The following KDR variants were observed in gnomAD, a reference collection of about 807,000 sequenced individuals.
The protein encoded by KDR is kinase insert domain receptor.
Under a neutral mutation model 160.9 loss-of-function variants are expected in KDR, and 43 were observed. The observed-to-expected ratio is 0.27, with a 90% CI of 0.21 to 0.34. The LOEUF is 0.34. KDR is among the 10% of genes least tolerant of loss of function. The probability of loss-of-function intolerance (pLI) is 1.00; values close to 1 mark genes in which losing one functional copy is unlikely to be tolerated. For missense variants in KDR, 1,469 were observed against 1,666.4 expected, an observed-to-expected ratio of 0.88 and a Z score of 2.06; for synonymous variants, 617 against 600.1, an observed-to-expected ratio of 1.03 and a Z score of -0.41.
intron 29 of KDR, 70 bp from the exon 30 acceptor site, chr4:55,080,233 C>T (rs1719698224): frequency 1.5e-6 from 2 of 1,366,920 alleles, no homozygotes; most frequent in African/African-American, 1.4e-5. Context: ...ACCCTCACCC[C>T]ATTCCCAACT....
chr4:55,108,258 T>C (rs999629072), intron 9 of KDR, among the ~76,000 whole-genome samples: 3 of 150,216 alleles, frequency 2.0e-5, no homozygotes, highest in African/African-American at 7.4e-5. Context: ...AAGCTAATAA[T>C]AATAATAAAC....
chr4:55,116,604 T>A (rs1001079054), intron 3 of KDR, among the ~76,000 whole-genome samples: 3 of 151,920 alleles, frequency 2.0e-5, no homozygotes, highest in Admixed American at 2.0e-4. Flanking sequence ...ATTCTCAGAG[T>A]GCTTCATAAT....
At position 55,114,156 on chromosome 4, in the gene KDR, A is replaced by T. The variant is rs765273680; in HGVS notation, c.768T>A (p.Ile256=). ...CTARTELNVG[I]DFNWEYPSSK... ...AAGAAGGGTATTCCCAGTTGAAGTC[A>T]ATCCCCACATTTAGTTCAGTTCTTG... The change falls in exon 6 of 30, where the codon ATT becomes ATA. Residue 256 remains isoleucine, a synonymous_variant. Coordinates refer to ENST00000263923, the MANE Select transcript of KDR (RefSeq NM_002253.4). The T allele has an allele frequency of 2.5e-6, 4 of 1,614,064 alleles. No homozygotes were observed. The highest frequency in any genetic ancestry group is 2.5e-6 in the Non-Finnish European group (3 of 1,179,940).
chr4:55,084,713 A>G (rs2110007309), intron 27 of KDR, among the ~76,000 whole-genome samples: 1 of 152,222 alleles, frequency 6.6e-6, no homozygotes, highest in African/African-American at 2.4e-5. Flanking sequence ...GTTTTACTCT[A>G]CTCCATACAG....
intron 10 of KDR, 104 bp downstream of exon 10, chr4:55,107,633 C>T (rs1720477014): frequency 3.4e-6 from 5 of 1,481,190 alleles, no homozygotes; most frequent in Non-Finnish European, 4.7e-6. Context: ...TGAGAGAAAA[C>T]TTTTTTTGGT....
chr4:55,108,047 G>C (rs891793421), intron 9 of KDR, among the ~76,000 whole-genome samples, 154 bp from the exon 10 acceptor site: 16 of 152,156 alleles, frequency 1.1e-4, no homozygotes, highest in African/African-American at 3.6e-4. Context: ...CAAGAGACCT[G>C]AGTTCTAGTG....
intron 3 of KDR, 94 bp downstream of exon 3, chr4:55,118,510 G>T: frequency 2.1e-6 from 2 of 966,670 alleles, no homozygotes; most frequent in Non-Finnish European, 1.7e-6. Flanking sequence ...AGCCTTTAGA[G>T]CAAGCCCTTT....
At chr4:55,105,716 T>C in intron 12 of KDR, 116 bp downstream of exon 12, 1 of 780,992 alleles carries the variant, frequency 1.3e-6, no homozygotes, top group South Asian at 1.4e-5. Flanking sequence ...TCAATCCAAG[T>C]CCTCTTTCCT....
intron 18 of KDR, among the ~76,000 whole-genome samples, chr4:55,097,082 T>C (rs1172177346): frequency 6.6e-6 from 1 of 152,184 alleles, no homozygotes; most frequent in Non-Finnish European, 1.5e-5. Context: ...AGCTTTACTG[T>C]CTAACCTCCT....
chr4:55,118,741 A>G lies in KDR; in HGVS notation c.221T>C (p.Val74Ala), dbSNP rs201868960. Residue 74 changes from valine (V) to alanine (A), a missense_variant, in exon 3 of 30, where the codon GTG becomes GCG. Around this residue, in one of 7 missense-constraint regions of KDR, gnomAD observed 792 missense variants for 840.9 expected, o/e 0.94. Coordinates refer to ENST00000263923, the MANE Select transcript of KDR (RefSeq NM_002253.4). ...PNNQSGSEQRVEVTECSDGLF... is the reference protein window; with the variant it reads ...PNNQSGSEQRAEVTECSDGLF... ...GCCATCGCTGCACTCAGTCACCTCC[A>G]CCCTTTGCTCACTGCCACTCTGATT... 1 of 1,613,820 alleles carries G rather than the reference A, an allele frequency of 6.2e-7. No homozygotes were observed. Among genetic ancestry groups the G allele is most frequent in the Admixed American group, 1.7e-5 (1 of 59,966 alleles).
chr4:55,090,596 T>C (rs976772640), intron 22 of KDR, among the ~76,000 whole-genome samples: 7 of 152,176 alleles, frequency 4.6e-5, no homozygotes, highest in Non-Finnish European at 8.8e-5. Flanking sequence ...TTCAAAGTGC[T>C]GGGTTATTAT....
chr4:55,080,010 C>T lies in KDR; in HGVS notation c.4002G>A (p.Val1334=), dbSNP rs1719689385. The T allele has an allele frequency of 1.2e-6, 2 of 1,614,062 alleles. No individual in the cohort carries two copies. Among genetic ancestry groups the T allele is most frequent in the African/African-American group, 2.7e-5 (2 of 74,920 alleles). The part of the protein sequence containing the change: ...AELLKLIEIG[V]QTGSTAQILQ... ...GAATCTGGGCTGTGCTACCGGTTTGCACTCCAATCTCTATCAGCTTTAAAA... is the reference window on the plus strand; with the variant it reads ...GAATCTGGGCTGTGCTACCGGTTTGTACTCCAATCTCTATCAGCTTTAAAA... Residue 1334 remains valine, a synonymous_variant, in exon 30 of 30, where the codon GTG becomes GTA. Coordinates refer to ENST00000263923, the MANE Select transcript of KDR (RefSeq NM_002253.4).
At chr4:55,108,034 A>C in intron 9 of KDR, 141 bp from the exon 10 acceptor site, 1 of 863,940 alleles carries the variant, frequency 1.2e-6, no homozygotes, top group Non-Finnish European at 1.9e-6. Context: ...CTAGATGTGG[A>C]AACAAGAGAC....
At chr4:55,125,151 A>T (rs762060826) in intron 1 of KDR, 76 bp downstream of exon 1, 35 of 1,319,214 alleles carry the variant, frequency 2.7e-5, no homozygotes, top group African/African-American at 1.4e-5. Flanking sequence ...TACGATTCCG[A>T]GTTAGATCTG....
At chr4:55,118,563 G>A in intron 3 of KDR, 41 bp downstream of exon 3, 1 of 1,482,434 alleles carries the variant, frequency 6.7e-7, no homozygotes, top group Non-Finnish European at 9.4e-7. Flanking sequence ...TTTTATAACT[G>A]GTAAAGAGAC....
intron 15 of KDR, 62 bp from the exon 16 acceptor site, chr4:55,098,865 T>C: frequency 7.7e-7 from 1 of 1,304,132 alleles, no homozygotes. Flanking sequence ...GTTTGTAAGA[T>C]GACAAATTTT....
chr4:55,098,882 A>G, intron 15 of KDR, 79 bp from the exon 16 acceptor site: 1 of 1,078,266 alleles, frequency 9.3e-7, no homozygotes, highest in Non-Finnish European at 1.4e-6. Flanking sequence ...TTTTAGCACT[A>G]AAGCAAAATC....
intron 15 of KDR, 51 bp from the exon 16 acceptor site, chr4:55,098,854 T>C: frequency 1.1e-5 from 15 of 1,411,446 alleles, no homozygotes; most frequent in Non-Finnish European, 1.4e-5. Context: ...TTATACTTTT[T>C]GTTTGTAAGA....
intron 15 of KDR, among the ~76,000 whole-genome samples, chr4:55,101,172 A>G (rs1268194859): frequency 1.3e-5 from 2 of 152,216 alleles, no homozygotes; most frequent in Non-Finnish European, 2.9e-5. Context: ...TGTTTTTCCA[A>G]ATAAATATAA....
Sources: allele counts gnomAD v4.1 joint callset (sites outside exome capture counted in the v4.1 genomes callset), GRCh38; gene constraint gnomAD v4.1.1; regional missense constraint gnomAD v4.1.1; transcripts MANE v1.5; gene names NCBI Gene and HGNC (gene_info 2026-07-23, HGNC 2026-07-21).